RBBP6: variants seen among roughly 807,000 people sequenced by gnomAD.
The protein encoded by RBBP6 is RB binding protein 6, ubiquitin ligase.
In RBBP6, 25 loss-of-function variants were observed where a neutral mutation model predicts 167.7. That is an observed-to-expected ratio of 0.15 (90% CI 0.11 to 0.21). RBBP6 has a LOEUF of 0.21. RBBP6 is among the 10% of genes least tolerant of loss of function. The pLI is 1.00. For missense variants in RBBP6, 1,868 were observed against 2,134.2 expected (o/e 0.88, Z 2.46); for synonymous variants, 789 against 735.8 (o/e 1.07, Z -1.17).
At position 24,563,633 on chromosome 16, in the gene RBBP6, C is replaced by T. The variant is rs369766298; in HGVS notation, c.1489C>T (p.Arg497Cys). ...AGGTCCAGTAAGAATAAATACTGCT[C>T]GTCCAGGTGGTGGTCGACCAGGCTG... ...TTGPVRINTA[R>C]PGGGRPGWEH... Residue 497 changes from arginine (R) to cysteine (C), a missense_variant, in exon 13 of 18, where the codon CGT becomes TGT. Arg to Cys is a radical substitution (Grantham distance 180). Transcript: ENST00000319715. The T allele has an allele frequency of 1.6e-5, 26 of 1,611,624 alleles. No homozygotes were observed. Among genetic ancestry groups the T allele is most frequent in the Middle Eastern group, 1.6e-4 (1 of 6,084 alleles).
At chr16:24,543,724 A>G (rs1000269271) in intron 1 of RBBP6, among the ~76,000 whole-genome samples, 2 of 152,232 alleles carry the variant, frequency 1.3e-5, no homozygotes, top group Non-Finnish European at 2.9e-5. Context: ...TCTTTGTTAT[A>G]TATGAGAAAC....
chr16:24,552,869 T>C (rs1898832263), intron 3 of RBBP6: 1 of 151,914 alleles, frequency 6.6e-6, no homozygotes, highest in South Asian at 2.1e-4. Flanking sequence ...AATATTAGAG[T>C]CCATCATAAT....
intron 12 of RBBP6, 54 bp from the exon 13 acceptor site, chr16:24,563,556 T>C: frequency 6.2e-7 from 1 of 1,611,366 alleles, no homozygotes; most frequent in Non-Finnish European, 8.5e-7. Flanking sequence ...TAATTTTAGC[T>C]TGATTTAATG....
At position 24,570,301 on chromosome 16, in the gene RBBP6, C is replaced by T. The variant is rs760684099; in HGVS notation, c.3611C>T (p.Ala1204Val). 26 of 1,609,140 alleles carry T rather than the reference C, an allele frequency of 1.6e-5. No homozygotes were observed. Among genetic ancestry groups the T allele is most frequent in the South Asian group, 7.8e-5 (7 of 89,644 alleles). Residue 1204 changes from alanine (A) to valine (V), a missense_variant, in exon 17 of 18, where the codon GCG (alanine) becomes GTG (valine). Ala to Val is a moderately conservative substitution (Grantham distance 64). Coordinates refer to ENST00000319715, the MANE Select transcript of RBBP6 (RefSeq NM_006910.5). ...GAAAAGGACAAAATTTCTTTAAGTG[C>T]GCCAGCCAAAAAAATCAAACTCAAC... ...TPEKDKISLS[A>V]PAKKIKLNRE...
In RBBP6 at chr16:24,570,919, A is replaced by G; in HGVS notation, c.3853A>G (p.Lys1285Glu). The change falls in exon 18 of 18, where the codon AAA becomes GAA. Residue 1285 changes from lysine to glutamate, a missense_variant. This residue lies in a region of RBBP6 where 673 missense variants were observed against 691.5 expected (regional missense o/e 0.97). Transcript: ENST00000319715. ...CAGTCCTGTGCGGAAATCTGAAGAA[A>G]AAACAGATACAAAGCGAACTGTGAT... The part of the protein sequence containing the change: ...GGSPVRKSEE[K>E]TDTKRTVIKT... 1.3e-6 allele frequency: 2 copies of G among 1,587,300 alleles called. No individual in the cohort carries two copies. Among genetic ancestry groups the G allele is most frequent in the South Asian group, 1.1e-5 (1 of 87,212 alleles).
At chr16:24,563,340 G>C (rs1899112996) in intron 11 of RBBP6, 45 bp downstream of exon 11, 1 of 1,567,082 alleles carries the variant, frequency 6.4e-7, no homozygotes, top group Non-Finnish European at 8.7e-7. Context: ...TTTACAGCAG[G>C]GTTTTGTTTT....
chr16:24,559,788 C>A, intron 8 of RBBP6, 111 bp downstream of exon 8: 1 of 1,006,288 alleles, frequency 9.9e-7, no homozygotes, highest in Non-Finnish European at 1.4e-6. Context: ...ATGTTGATGA[C>A]AAGTGTTGAT....
rs189300234 is a variant in RBBP6 at position 24,567,251 on chromosome 16, G to A, written c.1698G>A (p.Pro566=). 18 of 1,613,832 alleles carry A rather than the reference G, an allele frequency of 1.1e-5. No homozygotes were observed. In the South Asian group the frequency reaches 1.5e-4, roughly 14 times the overall value. The change falls in exon 15 of 18, where the codon CCG becomes CCA. Residue 566 remains proline (P), a synonymous_variant. Transcript: ENST00000319715. ...CTGTTCCACCACCTCCTTTGTATCC[G>A]CCTCCTCCCCATACACTTCCTCTCC... The part of the protein sequence containing the change: ...FVPVPPPPLY[P]PPPHTLPLPP...
rs560723548 is a variant in RBBP6, at chr16:24,572,147, GCAGCCCCAGCGT to G, written c.5092_5103del (p.Val1698_Ser1701del). The G allele has an allele frequency of 1.2e-4, 187 of 1,614,044 alleles. No homozygotes were observed. Among genetic ancestry groups the G allele is most frequent in the Admixed American group, 3.5e-4 (21 of 60,002 alleles). ...GGCATAAGCAGGAATCAGAGCCACA[GCAGCCCCAGCGT>G]CAGCCCCAGCAGAAGCCACAGTCCT... On this transcript the variant is annotated inframe_deletion, in exon 18 of 18. Transcript: ENST00000319715.
intron 1 of RBBP6, 106 bp downstream of exon 1, chr16:24,540,898 C>G: frequency 7.5e-7 from 1 of 1,333,620 alleles, no homozygotes; most frequent in East Asian, 2.4e-5. Context: ...GGGGACTGTT[C>G]GTTCTAGTAC....
At chr16:24,544,274 G>T (rs1352372167) in intron 1 of RBBP6, among the ~76,000 whole-genome samples, 2 of 152,080 alleles carry the variant, frequency 1.3e-5, no homozygotes, top group Non-Finnish European at 2.9e-5. Flanking sequence ...CAGTTTTTCT[G>T]ACTCAAAGCT....
At chr16:24,565,877 G>A (rs1899183317) in intron 14 of RBBP6, among the ~76,000 whole-genome samples, 1 of 151,992 alleles carries the variant, frequency 6.6e-6, no homozygotes, top group African/African-American at 2.4e-5. Context: ...GATTAGCCTG[G>A]GCAACATAGC....
chr16:24,563,748 G>C, intron 13 of RBBP6, 84 bp downstream of exon 13: 3 of 1,361,510 alleles, frequency 2.2e-6, no homozygotes, highest in Non-Finnish European at 3.1e-6. Context: ...CTAGATAATG[G>C]AAGGTCCAAA....
At chr16:24,549,479 C>T (rs1008930421) in intron 3 of RBBP6, 8 of 667,300 alleles carry the variant, frequency 1.2e-5, no homozygotes, top group Middle Eastern at 7.5e-4. Flanking sequence ...CTTCCAAAAA[C>T]GCATTAGCAA....
At chr16:24,549,612 C>G (rs1348206606) in intron 3 of RBBP6, among the ~76,000 whole-genome samples, 1 of 151,904 alleles carries the variant, frequency 6.6e-6, no homozygotes, top group Non-Finnish European at 1.5e-5. Flanking sequence ...GCATTTTGAG[C>G]TCCTTCTTTT....
rs992239828 is a variant in RBBP6 at position 24,556,195 on chromosome 16, A to G, written c.535-113A>G. On this transcript the variant is annotated intron_variant, in intron 6 of 17. Coordinates refer to ENST00000319715, the MANE Select transcript of RBBP6 (RefSeq NM_006910.5). ...AGTTACAAGGATTAAATGAGATCAC[A>G]TATGTAAAGCACTACAAGTAATATA... 2.5e-5 allele frequency: 21 copies of G among 855,320 alleles called. No homozygotes were observed. Among genetic ancestry groups the G allele is most frequent in the African/African-American group, 2.1e-4 (12 of 58,284 alleles). 53.0% of individuals were successfully genotyped at this position (855,320 alleles called of 1,614,324 possible).
chr16:24,567,438 C>G lies in RBBP6; in HGVS notation c.1885C>G (p.Pro629Ala). The G allele has an allele frequency of 6.2e-7, 1 of 1,614,080 alleles. No homozygotes were observed. The highest frequency in any genetic ancestry group is 8.5e-7 in the Non-Finnish European group (1 of 1,179,944). ...GVQTAHSNTI[P>A]TTQAPPLSRE... ...GCAGACAGCTCATTCAAATACCATC[C>G]CAACAACACAAGCACCACCTTTGTC... The change falls in exon 15 of 18, where the codon CCA becomes GCA. Residue 629 changes from proline to alanine, a missense_variant. This residue lies in a region of RBBP6 where 145 missense variants were observed against 224.3 expected (regional missense o/e 0.65). Coordinates refer to ENST00000319715, the MANE Select transcript of RBBP6 (RefSeq NM_006910.5).
At chr16:24,543,384 G>A (rs1567269842) in intron 1 of RBBP6, among the ~76,000 whole-genome samples, 2 of 150,522 alleles carry the variant, frequency 1.3e-5, no homozygotes. Flanking sequence ...ACCAGGCCCA[G>A]GTGATCCTCC....
intron 3 of RBBP6, 108 bp downstream of exon 3, chr16:24,549,089 A>G (rs1898736138): frequency 6.6e-7 from 1 of 1,525,206 alleles, no homozygotes; most frequent in Non-Finnish European, 8.8e-7. Flanking sequence ...ATCATAGTAC[A>G]TATTGTAAAT....
Sources: allele counts gnomAD v4.1 joint callset (sites outside exome capture counted in the v4.1 genomes callset), GRCh38; gene constraint gnomAD v4.1.1; regional missense constraint gnomAD v4.1.1; transcripts MANE v1.5; gene names NCBI Gene and HGNC (gene_info 2026-07-23, HGNC 2026-07-21).